MEF2D: variants seen among roughly 807,000 people sequenced by gnomAD.
MEF2D encodes the protein myocyte enhancer factor 2D.
In MEF2D, 10 loss-of-function variants were observed where a neutral mutation model predicts 59.3. That is an observed-to-expected ratio of 0.17 (90% CI 0.10 to 0.29). The LOEUF (loss-of-function observed/expected upper bound fraction) is 0.29, where lower values mean the gene tolerates loss of function less well. MEF2D is among the 10% of genes least tolerant of loss of function. The pLI is 1.00. For missense variants in MEF2D, 508 were observed against 699.4 expected (o/e 0.73, Z 3.09); for synonymous variants, 305 against 295.0 (o/e 1.03, Z -0.35).
At chr1:156,472,891 T>C (rs1444784270) in intron 9 of MEF2D, among the ~76,000 whole-genome samples, 1 of 152,058 alleles carries the variant, frequency 6.6e-6, no homozygotes, top group East Asian at 1.9e-4. Context: ...TCTGTATTTT[T>C]AGTAGAGACA....
Position 156,468,412 on chromosome 1 carries a change from A to C in MEF2D, c.1248-113T>G. 1.3e-6 allele frequency: 1 copy of C among 751,686 alleles called. No individual in the cohort carries two copies. Among genetic ancestry groups the C allele is most frequent in the Non-Finnish European group, 2.1e-6 (1 of 471,178 alleles). 46.6% of individuals were successfully genotyped at this position (751,686 alleles called of 1,614,324 possible). A position where few individuals can be genotyped will look rare whatever the true frequency, so the allele number is the denominator to read the frequency against. On this transcript the variant is annotated intron_variant, in intron 10 of 11. Transcript: ENST00000348159. The surrounding 1 kb of genome is among the most constrained non-coding windows in gnomAD (Gnocchi z 4.3). ...TGAGAGAGAACAAGAGGATGAGAATATGGGGGATGGGGTGTTGGGGAGAGG... is the reference window on the plus strand; with the variant it reads ...TGAGAGAGAACAAGAGGATGAGAATCTGGGGGATGGGGTGTTGGGGAGAGG...
In MEF2D at chr1:156,469,061, G is replaced by A. The variant is rs189235764; in HGVS notation, c.1007-41C>T. The A allele has an allele frequency of 3.7e-4, 579 of 1,559,906 alleles. 1 individual carries two copies. In the African/African-American group the frequency reaches 6.7e-3, roughly 18 times the overall value. On this transcript the variant is annotated intron_variant, in intron 9 of 11. Coordinates refer to ENST00000348159, the MANE Select transcript of MEF2D (RefSeq NM_005920.4). The stretch of plus-strand genomic sequence containing the variant: ...GTGAGGATGAACCTGGAGTTGGGGA[G>A]AGCACACAGGCTCCTATGAGGGAGC...
intron 1 of MEF2D, among the ~76,000 whole-genome samples, chr1:156,491,180 T>C (rs1672765064): frequency 6.6e-6 from 1 of 152,150 alleles, no homozygotes; most frequent in Non-Finnish European, 1.5e-5. Context: ...AAGCTGGGAT[T>C]CTGGATACCT....
At chr1:156,480,754 T>A (rs745610424) in intron 4 of MEF2D, 80 bp downstream of exon 4, 14 of 1,577,460 alleles carry the variant, frequency 8.9e-6, no homozygotes, top group East Asian at 2.4e-5. Flanking sequence ...GGCTCTCACA[T>A]TCCCTGTGCT....
chr1:156,494,247 G>C (rs548247235), intron 1 of MEF2D, among the ~76,000 whole-genome samples: 1 of 152,080 alleles, frequency 6.6e-6, no homozygotes, highest in South Asian at 2.1e-4. Flanking sequence ...CAGGAAAAGA[G>C]ACCAAGCCCC....
chr1:156,482,783 C>T, intron 2 of MEF2D, 143 bp from the exon 3 acceptor site: 1 of 769,638 alleles, frequency 1.3e-6, no homozygotes, highest in Non-Finnish European at 2.2e-6. Flanking sequence ...TCAGGAGTCC[C>T]TGGTTTGGGG....
At chr1:156,482,991 A>G (rs1171559) in intron 2 of MEF2D, among the ~76,000 whole-genome samples, 4 of 152,190 alleles carry the variant, frequency 2.6e-5, no homozygotes, top group Non-Finnish European at 4.4e-5. Flanking sequence ...AAGGCTTGCA[A>G]ATGGCTCTGG....
At chr1:156,497,524 T>G (rs1673200100) in intron 1 of MEF2D, among the ~76,000 whole-genome samples, 1 of 152,168 alleles carries the variant, frequency 6.6e-6, no homozygotes, top group South Asian at 2.1e-4. Flanking sequence ...TTATAGAACC[T>G]GATGAACACC....
In MEF2D at chr1:156,468,396, A is replaced by C; in HGVS notation, c.1248-97T>G. ...GACACCAGACAGAAAGTGAGAGAGAACAAGAGGATGAGAATATGGGGGATG... is the reference window on the plus strand; with the variant it reads ...GACACCAGACAGAAAGTGAGAGAGACCAAGAGGATGAGAATATGGGGGATG... On this transcript the variant is annotated intron_variant, in intron 10 of 11. Transcript: ENST00000348159. This position sits in a 1 kb window ranked among gnomAD's most constrained non-coding sequence, Gnocchi z 4.3. The C allele has an allele frequency of 1.1e-6, 1 of 892,468 alleles. No individual in the cohort carries two copies. The highest frequency in any genetic ancestry group is 1.7e-5 in the South Asian group (1 of 57,834). 55.3% of individuals were successfully genotyped at this position (892,468 alleles called of 1,614,324 possible). A position where few individuals can be genotyped will look rare whatever the true frequency, so the allele number is the denominator to read the frequency against.
chr1:156,495,610 G>A (rs904957603), intron 1 of MEF2D, among the ~76,000 whole-genome samples: 1 of 151,828 alleles, frequency 6.6e-6, no homozygotes, highest in East Asian at 1.9e-4. Flanking sequence ...GCTGCAGTGA[G>A]CCATGATGGC....
rs1672796931 is a variant in MEF2D at position 156,491,574 on chromosome 1, G to A, written c.-138-8144C>T. ...TCAGCCAGAACAAGTACCAAGTGGG[G>A]CACACAAGGCCCTTGTGGCAGAGGC... On this transcript the variant is annotated intron_variant, in intron 1 of 11. Coordinates refer to ENST00000348159, the MANE Select transcript of MEF2D (RefSeq NM_005920.4). Among the ~76,000 whole-genome samples, 3 of 152,312 alleles carry A rather than the reference G, an allele frequency of 2.0e-5. No individual in the cohort carries two copies. In the South Asian group the frequency reaches 6.2e-4, roughly 32 times the overall value.
Position 156,482,571 on chromosome 1 carries a change from C to T in MEF2D, c.124G>A (p.Glu42Lys). The T allele has an allele frequency of 1.9e-6, 3 of 1,614,216 alleles. No individual in the cohort carries two copies. Among genetic ancestry groups the T allele is most frequent in the Non-Finnish European group, 1.7e-6 (2 of 1,180,038 alleles). The stretch of plus-strand genomic sequence containing the variant: ...TGGTTGAAGATGATGAGTGCGATCT[C>T]GCAGTCACATAGCACGCTCAGCTCA... ...AYELSVLCDC[E>K]IALIIFNHSN... Residue 42 changes from glutamate (E) to lysine (K), a missense_variant, in exon 3 of 12, where the codon GAG becomes AAG. Transcript: ENST00000348159.
intron 1 of MEF2D, chr1:156,499,567 G>A (rs1673352112): frequency 6.6e-6 from 1 of 152,202 alleles, no homozygotes; most frequent in Non-Finnish European, 1.5e-5. Context: ...GAACCTGGTA[G>A]GAGAGAAGCT....
In MEF2D at chr1:156,479,319, C is replaced by T. The variant is rs767742127; in HGVS notation, c.635G>A (p.Ser212Asn). ...AGAMLGGDLN[S>N]ANGACPSPVG... ...AGGGCTGGGGCAGGCTCCGTTAGCACTGTTCAGGTCACCCCCCAGCATGGC... is the reference window on the plus strand; with the variant it reads ...AGGGCTGGGGCAGGCTCCGTTAGCATTGTTCAGGTCACCCCCCAGCATGGC... Residue 212 changes from serine (S) to asparagine (N), a missense_variant, in exon 6 of 12, where the codon AGT becomes AAT. By Grantham distance (46) the Ser-to-Asn change is conservative. Coordinates refer to ENST00000348159, the MANE Select transcript of MEF2D (RefSeq NM_005920.4). 1 of 1,612,526 alleles carries T rather than the reference C, an allele frequency of 6.2e-7. No individual in the cohort carries two copies. Among genetic ancestry groups the T allele is most frequent in the East Asian group, 2.2e-5 (1 of 44,810 alleles).
At chr1:156,483,730 ATTC>A (rs1016064927) in intron 1 of MEF2D, among the ~76,000 whole-genome samples, 5 of 152,200 alleles carry the variant, frequency 3.3e-5, no homozygotes, top group African/African-American at 1.2e-4. Context: ...CCCATGGCCC[ATTC>A]TTCTCTCTAG....
At chr1:156,485,119 C>T (rs1672267044) in intron 1 of MEF2D, among the ~76,000 whole-genome samples, 1 of 152,138 alleles carries the variant, frequency 6.6e-6, no homozygotes, top group Non-Finnish European at 1.5e-5. Context: ...ACTGTAGAGT[C>T]TAGGGATGTA....
Position 156,468,554 on chromosome 1 carries a change from C to T in MEF2D, c.1247+226G>A, listed in dbSNP as rs138190619. Among the ~76,000 whole-genome samples, 24 of 152,256 alleles carry T rather than the reference C, an allele frequency of 1.6e-4. No homozygotes were observed. The Middle Eastern group carries it at 0.01, about 65-fold the overall frequency. On this transcript the variant is annotated intron_variant, in intron 10 of 11. Coordinates refer to ENST00000348159, the MANE Select transcript of MEF2D (RefSeq NM_005920.4). This position sits in a 1 kb window ranked among gnomAD's most constrained non-coding sequence, Gnocchi z 4.3. ...TCTGCAACACAGGGCCCCCCACCTC[C>T]CACCCCCTACCCTGGGGCTGGCTCT...
intron 8 of MEF2D, among the ~76,000 whole-genome samples, chr1:156,475,473 AGGCACGTGTACTGGCCCTGTG>A (rs1377635925): frequency 6.6e-6 from 1 of 152,222 alleles, no homozygotes; most frequent in Admixed American, 6.5e-5. Flanking sequence ...GCAAAGATGA[AGGCACGTGTACTGGCCCTGTG>A]GCCCCAGCAC....
chr1:156,495,080 T>TTG (rs1673050336), intron 1 of MEF2D, among the ~76,000 whole-genome samples: 2 of 152,266 alleles, frequency 1.3e-5, no homozygotes, highest in African/African-American at 4.8e-5. Context: ...GGAGTGTCAT[T>TTG]TGTTCCTGCC....
Sources: allele counts gnomAD v4.1 joint callset (sites outside exome capture counted in the v4.1 genomes callset), GRCh38; gene constraint gnomAD v4.1.1; non-coding constraint Gnocchi (gnomAD v3.1); transcripts MANE v1.5; gene names NCBI Gene and HGNC (gene_info 2026-07-23, HGNC 2026-07-21).